SRGAP1: variants seen among roughly 807,000 people sequenced by gnomAD.
The protein encoded by SRGAP1 is SLIT-ROBO Rho GTPase activating protein 1.
In SRGAP1, 43 loss-of-function variants were observed where a neutral mutation model predicts 121.9. The ratio of observed to expected loss-of-function variants is 0.35; its 90% CI spans 0.28 to 0.46. The LOEUF is 0.46. Ranked by LOEUF, SRGAP1 falls within the 20% of genes least tolerant of loss-of-function variation. SRGAP1 has a pLI of 1.00. For synonymous variants in SRGAP1, 447 were observed against 485.4 expected, an observed-to-expected ratio of 0.92 and a Z score of 1.04; for missense variants, 1,102 against 1,350.9, an observed-to-expected ratio of 0.82 and a Z score of 2.89.
rs1166100601 is a variant in SRGAP1 at position 64,156,347 on chromosome 12, T to C, written c.*13675T>C. The C allele has an allele frequency of 1.3e-5, 2 of 152,232 alleles. No homozygotes were observed. Among genetic ancestry groups the C allele is most frequent in the East Asian group, 1.9e-4 (1 of 5,200 alleles). 9.4% of individuals were successfully genotyped at this position (152,232 alleles called of 1,614,324 possible). ...AATTGAATGAATATTTTTAATAAAT[T>C]TGTAGATGTTAATATGATTTACTTA... On this transcript the variant is annotated 3_prime_UTR_variant, in exon 22 of 22. Coordinates refer to ENST00000355086, the MANE Select transcript of SRGAP1 (RefSeq NM_020762.4).
chr12:64,044,693 T>TTTTTTTA (rs2035091495), intron 6 of SRGAP1, among the ~76,000 whole-genome samples: 1 of 140,722 alleles, frequency 7.1e-6, no homozygotes, highest in Admixed American at 7.1e-5. Context: ...TTTTTTTTTT[T>TTTTTTTA]TTTTTTAAGA....
At chr12:63,991,128 G>A (rs887654377) in intron 3 of SRGAP1, among the ~76,000 whole-genome samples, 3 of 152,168 alleles carry the variant, frequency 2.0e-5, no homozygotes, top group Non-Finnish European at 4.4e-5. Flanking sequence ...AGTACGACTA[G>A]CGTTCATTTT....
rs1016600827 is a variant in SRGAP1, at chr12:64,149,287, A to G, written c.*6615A>G. Reference sequence around the variant, plus strand: ...GGATACTTTTCTTTCTTTCCAAAAAAGCACTGTCTGATATGGAGACTGGAA... The same window carrying G: ...GGATACTTTTCTTTCTTTCCAAAAAGGCACTGTCTGATATGGAGACTGGAA... On this transcript the variant is annotated 3_prime_UTR_variant, in exon 22 of 22. Coordinates refer to ENST00000355086, the MANE Select transcript of SRGAP1 (RefSeq NM_020762.4). The G allele has an allele frequency of 1.3e-5, 2 of 152,202 alleles. No homozygotes were observed. The highest frequency in any genetic ancestry group is 4.8e-5 in the African/African-American group (2 of 41,450). 9.4% of individuals were successfully genotyped at this position (152,202 alleles called of 1,614,324 possible).
At chr12:64,121,033 GAC>G (rs2036598497) in intron 18 of SRGAP1, among the ~76,000 whole-genome samples, 1 of 139,500 alleles carries the variant, frequency 7.2e-6, no homozygotes, top group African/African-American at 2.7e-5. Flanking sequence ...TTTTCTGTGA[GAC>G]AGGGTTTCCA....
chr12:64,122,211 A>G (rs1411180239), intron 18 of SRGAP1, among the ~76,000 whole-genome samples: 1 of 152,198 alleles, frequency 6.6e-6, no homozygotes, highest in African/African-American at 2.4e-5. Flanking sequence ...GCACAAAATT[A>G]TATTACCCAT....
chr12:63,945,772 C>T (rs1451279788), intron 1 of SRGAP1, among the ~76,000 whole-genome samples: 1 of 152,190 alleles, frequency 6.6e-6, no homozygotes, highest in Non-Finnish European at 1.5e-5. Context: ...TGAAGTGGCT[C>T]TCTTTAGCCA....
intron 1 of SRGAP1, among the ~76,000 whole-genome samples, chr12:63,872,606 T>C (rs1044644005): frequency 1.3e-5 from 2 of 152,216 alleles, no homozygotes; most frequent in African/African-American, 4.8e-5. Context: ...TTTAAATTCA[T>C]TTACAGTCAT....
chr12:63,856,669 A>G (rs1899262835), intron 1 of SRGAP1, among the ~76,000 whole-genome samples: 1 of 152,194 alleles, frequency 6.6e-6, no homozygotes, highest in Non-Finnish European at 1.5e-5. Context: ...TTCTTGCACC[A>G]ATACCAATCA....
intron 4 of SRGAP1, among the ~76,000 whole-genome samples, chr12:64,019,757 A>G (rs980659113): frequency 1.3e-5 from 2 of 152,220 alleles, no homozygotes; most frequent in Non-Finnish European, 2.9e-5. Context: ...ATTTGGAGGA[A>G]TGTAGTTTAG....
chr12:63,984,584 T>A (rs2033362609), intron 2 of SRGAP1, among the ~76,000 whole-genome samples: 1 of 152,202 alleles, frequency 6.6e-6, no homozygotes, highest in Non-Finnish European at 1.5e-5. Context: ...TTATGGTCAT[T>A]GTAATTGACA....
chr12:64,103,294 A>G (rs565268515), intron 15 of SRGAP1, among the ~76,000 whole-genome samples: 1 of 152,318 alleles, frequency 6.6e-6, no homozygotes, highest in South Asian at 2.1e-4. Flanking sequence ...CTGTTGTAAA[A>G]AATTATGCCA....
At chr12:64,009,550 C>T (rs991600076) in intron 3 of SRGAP1, among the ~76,000 whole-genome samples, 2 of 152,146 alleles carry the variant, frequency 1.3e-5, no homozygotes, top group African/African-American at 4.8e-5. Flanking sequence ...TGCTGGAAGG[C>T]TGAACACAGC....
chr12:64,093,586 C>T (rs2036096132), intron 12 of SRGAP1, among the ~76,000 whole-genome samples: 1 of 152,108 alleles, frequency 6.6e-6, no homozygotes, highest in South Asian at 2.1e-4. Flanking sequence ...TCCCCTAAAA[C>T]ACTTATATCT....
intron 1 of SRGAP1, among the ~76,000 whole-genome samples, chr12:63,936,266 T>C (rs760864947): frequency 2.6e-4 from 39 of 152,114 alleles, no homozygotes; most frequent in Non-Finnish European, 3.4e-4. Context: ...GAGTAGATAA[T>C]ACCATAATAA....
intron 3 of SRGAP1, among the ~76,000 whole-genome samples, chr12:64,000,972 A>T (rs6581517): frequency 0.42 from 64,225 of 152,046 alleles, 13,687 homozygotes; most frequent in East Asian, 0.51. Context: ...AAGAAATATG[A>T]TATGAAAAAG....
chr12:63,872,997 G>T (rs1009667977), intron 1 of SRGAP1, among the ~76,000 whole-genome samples: 1 of 152,142 alleles, frequency 6.6e-6, no homozygotes, highest in African/African-American at 2.4e-5. Flanking sequence ...TATAGGAAAG[G>T]CTCCTGAAAT....
Position 64,145,853 on chromosome 12 carries a change from A to C in SRGAP1, c.*3181A>C, listed in dbSNP as rs1490551800. ...GAGGCCTTGAGGTGTTCTGCCCCCAATTTCAAGGAGCTTATCAGGCTTCAT... is the reference window on the plus strand; with the variant it reads ...GAGGCCTTGAGGTGTTCTGCCCCCACTTTCAAGGAGCTTATCAGGCTTCAT... On this transcript the variant is annotated 3_prime_UTR_variant, in exon 22 of 22. Coordinates refer to ENST00000355086, the MANE Select transcript of SRGAP1 (RefSeq NM_020762.4). 1 of 152,164 alleles carries C rather than the reference A, an allele frequency of 6.6e-6. No homozygotes were observed. Among genetic ancestry groups the C allele is most frequent in the African/African-American group, 2.4e-5 (1 of 41,428 alleles). The allele number at this position is 152,164 out of a possible 1,614,324, so 9.4% of individuals were successfully genotyped here.
intron 4 of SRGAP1, among the ~76,000 whole-genome samples, chr12:64,035,635 G>A (rs17100023): frequency 0.099 from 15,090 of 152,200 alleles, 916 homozygotes; most frequent in South Asian, 0.3. Context: ...TTTCCAAAGT[G>A]TGAATTCAGG....
intron 4 of SRGAP1, among the ~76,000 whole-genome samples, chr12:64,041,567 A>G (rs1271613728): frequency 6.6e-6 from 1 of 151,594 alleles, no homozygotes; most frequent in Admixed American, 6.6e-5. Context: ...TTATATTTGT[A>G]GAGACGGTCC....
Sources: gnomAD v4.1 joint callset for allele counts (sites outside exome capture counted in the v4.1 genomes callset) on GRCh38, gnomAD v4.1.1 for gene constraint, MANE v1.5 for transcripts, NCBI Gene and HGNC (gene_info 2026-07-23, HGNC 2026-07-21) for gene names.